The following ZFPM2 variants were observed in gnomAD, a reference collection of about 807,000 sequenced individuals.
ZFPM2 encodes zinc finger protein, FOG family member 2.
In ZFPM2, 20 loss-of-function variants were observed where a neutral mutation model predicts 98.6. That is an observed-to-expected ratio of 0.20 (90% confidence interval 0.14 to 0.29). ZFPM2 has a LOEUF of 0.29. ZFPM2 is among the 10% of genes least tolerant of loss of function. ZFPM2 has a pLI of 1.00. For synonymous variants in ZFPM2, 518 were observed against 502.7 expected, an observed-to-expected ratio of 1.03 and a Z score of -0.41; for missense variants, 1,310 against 1,388.6, an observed-to-expected ratio of 0.94 and a Z score of 0.90.
intron 5 of ZFPM2, 71 bp downstream of exon 5, chr8:105,634,428 G>C (rs949897234): frequency 1.4e-5 from 16 of 1,173,680 alleles, no homozygotes; most frequent in Non-Finnish European, 1.9e-5. Context: ...AGCACCAGAA[G>C]AGCTGGAATG....
At chr8:105,577,218 T>A (rs1815486002) in intron 4 of ZFPM2, among the ~76,000 whole-genome samples, 1 of 152,154 alleles carries the variant, frequency 6.6e-6, no homozygotes, top group Non-Finnish European at 1.5e-5. Flanking sequence ...CCACACAGAA[T>A]TGCTTCATGT....
chr8:105,496,580 T>A (rs772748567), intron 3 of ZFPM2, among the ~76,000 whole-genome samples: 2 of 152,134 alleles, frequency 1.3e-5, no homozygotes, highest in Non-Finnish European at 1.5e-5. Context: ...GAGGTTGAAC[T>A]TAATCTCCTG....
rs1336216470 is a variant in ZFPM2, at chr8:105,802,630, C to G, written c.2548C>G (p.Leu850Val). Residue 850 changes from leucine to valine, a missense_variant, in exon 8 of 8, where the codon CTG becomes GTG. Leu to Val is a conservative substitution (Grantham distance 32). Coordinates refer to ENST00000407775, the MANE Select transcript of ZFPM2 (RefSeq NM_012082.4). ...GCGGACGACCACGTCTCCCAAAAGG[C>G]TGCTGGACTATCACGAGTGCACTGT... is the stretch of plus-strand genomic sequence containing the variant. ...SERTTTSPKR[L>V]LDYHECTVCK... 6.2e-7 allele frequency: 1 copy of G among 1,610,856 alleles called. No individual in the cohort carries two copies. Among genetic ancestry groups the G allele is most frequent in the Non-Finnish European group, 8.5e-7 (1 of 1,178,602 alleles).
chr8:105,711,991 A>G (rs1009607217), intron 5 of ZFPM2, among the ~76,000 whole-genome samples: 5 of 152,092 alleles, frequency 3.3e-5, no homozygotes, highest in Non-Finnish European at 7.4e-5. Flanking sequence ...GACATATCTT[A>G]TACTGCATTT....
At position 105,386,116 on chromosome 8, in the gene ZFPM2, G is replaced by C. The variant is rs539224552; in HGVS notation, c.41-33028G>C. Among the ~76,000 whole-genome samples, 7 of 152,212 alleles carry C rather than the reference G, an allele frequency of 4.6e-5. No homozygotes were observed. In the South Asian group the frequency reaches 1.5e-3, roughly 32 times the overall value. On this transcript the variant is annotated intron_variant, in intron 1 of 7. Transcript: ENST00000407775. ...TGCTCAGTAAAATGGCCAGTAAGTG[G>C]GGGCAGGAGGGCTAGAGAATTAGAA...
At chr8:105,751,560 A>G (rs1350983751) in intron 5 of ZFPM2, among the ~76,000 whole-genome samples, 2 of 152,106 alleles carry the variant, frequency 1.3e-5, no homozygotes, top group Non-Finnish European at 2.9e-5. Flanking sequence ...TTAGGGAAAG[A>G]AGGGCTAGAA....
Position 105,801,511 on chromosome 8 carries a change from C to T in ZFPM2, c.1429C>T (p.Pro477Ser). ...YTKIKSEPSS[P>S]RLASSPVQPN... is the part of the protein sequence containing the mutation. ...AAAAATAAAGTCTGAGCCCTCTAGC[C>T]CAAGACTTGCCTCATCTCCAGTTCA... is the stretch of plus-strand genomic sequence containing the variant. Residue 477 changes from proline (P) to serine (S), a missense_variant, in exon 8 of 8, where the codon CCA becomes TCA. By Grantham distance (74) the Pro-to-Ser change is moderately conservative (BLOSUM62 -1). Transcript: ENST00000407775. The T allele has an allele frequency of 6.2e-7, 1 of 1,613,926 alleles. No homozygotes were observed. Among genetic ancestry groups the T allele is most frequent in the Non-Finnish European group, 8.5e-7 (1 of 1,179,856 alleles).
rs141100917 is a variant in ZFPM2, at chr8:105,638,468, G to A, written c.532+4111G>A. Among the ~76,000 whole-genome samples the A allele has an allele frequency of 1.5e-3, 223 of 152,158 alleles. 5 individuals are homozygous for A. In the East Asian group the frequency reaches 0.04, roughly 28 times the overall value. On this transcript the variant is annotated intron_variant, in intron 5 of 7. Coordinates refer to ENST00000407775, the MANE Select transcript of ZFPM2 (RefSeq NM_012082.4). ...GGACGATGAAAATTAAATTCCTGAT[G>A]CCACAATTGTATTTATTTGTTTGTT...
chr8:105,560,467 C>T (rs138839374), intron 3 of ZFPM2, among the ~76,000 whole-genome samples: 26 of 151,718 alleles, frequency 1.7e-4, no homozygotes, highest in African/African-American at 6.3e-4. Flanking sequence ...CATGGTAATA[C>T]TCTTTGGGGA....
Position 105,803,857 on chromosome 8 carries a change from A to G in ZFPM2, c.*319A>G, listed in dbSNP as rs1013852006. On this transcript the variant is annotated 3_prime_UTR_variant, in exon 8 of 8. Transcript: ENST00000407775. Reference sequence around the variant, plus strand: ...GTGTAGCACATATGGTTTGCACTGTATAGTAGCTTTTAAAGAAAATAGTCA... The same window carrying G: ...GTGTAGCACATATGGTTTGCACTGTGTAGTAGCTTTTAAAGAAAATAGTCA... The G allele has an allele frequency of 1.2e-4, 25 of 206,868 alleles. No individual in the cohort carries two copies. The highest frequency in any genetic ancestry group is 2.2e-4 in the Non-Finnish European group (22 of 102,146). The allele number at this position is 206,868 out of a possible 1,614,324, so 12.8% of individuals were successfully genotyped here.
intron 4 of ZFPM2, among the ~76,000 whole-genome samples, chr8:105,615,912 C>T (rs868353964): frequency 2.0e-5 from 3 of 151,982 alleles, no homozygotes; most frequent in Admixed American, 1.3e-4. Flanking sequence ...TTAAGGAAAA[C>T]GGCATGGTGT....
intron 4 of ZFPM2, among the ~76,000 whole-genome samples, chr8:105,568,790 G>A (rs1815294968): frequency 6.6e-6 from 1 of 152,054 alleles, no homozygotes; most frequent in South Asian, 2.1e-4. Flanking sequence ...CAAGGTTTTG[G>A]TAAAGCCTAA....
intron 3 of ZFPM2, among the ~76,000 whole-genome samples, chr8:105,521,151 A>G (rs1325299930): frequency 6.6e-6 from 1 of 151,742 alleles, no homozygotes; most frequent in Admixed American, 6.6e-5. Context: ...ACACACACAC[A>G]CAAACACACA....
At chr8:105,629,909 G>T (rs1234625834) in intron 4 of ZFPM2, among the ~76,000 whole-genome samples, 1 of 151,932 alleles carries the variant, frequency 6.6e-6, no homozygotes, top group Non-Finnish European at 1.5e-5. Flanking sequence ...GATTAGACTG[G>T]GCCCATCTGG....
chr8:105,419,468 C>T (rs1053101644), intron 2 of ZFPM2, among the ~76,000 whole-genome samples, 166 bp downstream of exon 2: 1 of 152,082 alleles, frequency 6.6e-6, no homozygotes. Flanking sequence ...ACATGAGTAA[C>T]TCCACTCTAA....
intron 4 of ZFPM2, among the ~76,000 whole-genome samples, chr8:105,630,807 A>G (rs977610549): frequency 4.6e-5 from 7 of 152,166 alleles, no homozygotes; most frequent in African/African-American, 1.4e-4. Context: ...GCTTACCTCA[A>G]TAGCCAACAA....
chr8:105,705,743 G>A (rs530562495), intron 5 of ZFPM2, among the ~76,000 whole-genome samples: 1 of 152,124 alleles, frequency 6.6e-6, no homozygotes, highest in Non-Finnish European at 1.5e-5. Flanking sequence ...GGACCCAAAG[G>A]AAGGTCTATT....
chr8:105,644,930 T>C (rs1817014568), intron 5 of ZFPM2, among the ~76,000 whole-genome samples: 1 of 152,160 alleles, frequency 6.6e-6, no homozygotes, highest in South Asian at 2.1e-4. Flanking sequence ...AACATATACA[T>C]TTTGGGGAGA....
In ZFPM2 at chr8:105,318,847, CGG is replaced by C; in HGVS notation, c.-94_-93del. 1 of 562,652 alleles carries C rather than the reference CGG, an allele frequency of 1.8e-6. No individual in the cohort carries two copies. The highest frequency in any genetic ancestry group is 2.0e-6 in the Non-Finnish European group (1 of 494,546). The allele number at this position is 562,652 out of a possible 1,614,324, so 34.9% of individuals were successfully genotyped here. On this transcript the variant is annotated 5_prime_UTR_variant, in exon 1 of 8. Transcript: ENST00000407775. Reference sequence around the variant, plus strand: ...CCGGCGGCGGGCCGAGCCTGGCCAGCGGCGGCGGCGGCGGCGGCGGCGGCGGG... The same window carrying C: ...CCGGCGGCGGGCCGAGCCTGGCCAGCCGGCGGCGGCGGCGGCGGCGGCGGG...
Sources: allele counts gnomAD v4.1 joint callset (sites outside exome capture counted in the v4.1 genomes callset), GRCh38; gene constraint gnomAD v4.1.1; transcripts MANE v1.5; gene names NCBI Gene and HGNC (gene_info 2026-07-23, HGNC 2026-07-21).